The following HPSE2 variants were observed in gnomAD, a reference collection of about 807,000 sequenced individuals.
The protein encoded by HPSE2 is heparanase 2 (inactive), also known as inactive heparanase-2.
Under a neutral mutation model 60.5 loss-of-function variants are expected in HPSE2, and 38 were observed. That is an observed-to-expected ratio of 0.63 (90% CI 0.48 to 0.82). The LOEUF (loss-of-function observed/expected upper bound fraction) is 0.82. Among genes scored for constraint, HPSE2 ranks in the 40% least tolerant of loss-of-function variants. The pLI is 0.00. For missense variants in HPSE2, 713 were observed against 740.4 expected, an observed-to-expected ratio of 0.96 and a Z score of 0.43; for synonymous variants, 295 against 293.2, an observed-to-expected ratio of 1.01 and a Z score of -0.06.
intron 5 of HPSE2, among the ~76,000 whole-genome samples, chr10:98,718,709 C>T (rs78670822): frequency 0.073 from 11,087 of 152,052 alleles, 564 homozygotes; most frequent in South Asian, 0.19. Flanking sequence ...ATTGTATGTT[C>T]TCATGCACAT....
chr10:99,235,999 C>CTTT (rs371950895), upstream of HPSE2: 3 of 350,866 alleles, frequency 8.6e-6, no homozygotes, highest in Non-Finnish European at 1.4e-5. Flanking sequence ...TTGTTTTTTT[C>CTTT]TTTTTTTTTT....
At chr10:98,817,793 T>G (rs1247786857) in intron 3 of HPSE2, among the ~76,000 whole-genome samples, 2 of 152,210 alleles carry the variant, frequency 1.3e-5, no homozygotes, top group African/African-American at 2.4e-5. Flanking sequence ...CCTATACACT[T>G]TGGACAAAAG....
At position 98,721,816 on chromosome 10, in the gene HPSE2, T is replaced by G; in HGVS notation, c.797A>C (p.Tyr266Ser). Reference sequence around the variant, plus strand: ...TACTGCCCGGCCATGCATGGTCCGATAGTTATTTGGCTCTAGATTAAAAGC... The same window carrying G: ...TACTGCCCGGCCATGCATGGTCCGAGAGTTATTTGGCTCTAGATTAAAAGC... ...SWELGNEPNN[Y>S]RTMHGRAVNG... Residue 266 changes from tyrosine to serine, a missense_variant, in exon 5 of 12, where the codon TAT becomes TCT. Coordinates refer to ENST00000370552, the MANE Select transcript of HPSE2 (RefSeq NM_021828.5). 1 of 1,613,506 alleles carries G rather than the reference T, an allele frequency of 6.2e-7. No homozygotes were observed. The highest frequency in any genetic ancestry group is 8.5e-7 in the Non-Finnish European group (1 of 1,179,756).
At chr10:99,165,283 C>T (rs551808725) in intron 2 of HPSE2, among the ~76,000 whole-genome samples, 24 of 152,096 alleles carry the variant, frequency 1.6e-4, no homozygotes, top group Non-Finnish European at 2.5e-4. Context: ...TACAGTGCTG[C>T]ATACTTCTTT....
intron 3 of HPSE2, among the ~76,000 whole-genome samples, chr10:98,978,906 T>C (rs552177549): frequency 7.9e-5 from 12 of 152,280 alleles, no homozygotes; most frequent in Non-Finnish European, 1.5e-4. Flanking sequence ...AGGTAAAAAA[T>C]TGGAGTCGCT....
chr10:99,117,417 GAAAAAAA>G (rs1157232317), intron 3 of HPSE2, among the ~76,000 whole-genome samples: 201 of 24,748 alleles, frequency 8.1e-3, no homozygotes, highest in East Asian at 0.049. Flanking sequence ...TTGTTTTTTT[GAAAAAAA>G]AAAAAAAAAA....
the HPSE2 span, among the ~76,000 whole-genome samples, chr10:99,251,336 G>A: frequency 6.6e-6 from 1 of 152,236 alleles, no homozygotes; most frequent in East Asian, 1.9e-4. Flanking sequence ...GTTCAGAAAT[G>A]TAATTAGTAA....
At chr10:98,756,172 G>A (rs1264820662) in intron 3 of HPSE2, among the ~76,000 whole-genome samples, 2 of 152,002 alleles carry the variant, frequency 1.3e-5, no homozygotes, top group Non-Finnish European at 2.9e-5. Flanking sequence ...CACAGTTAAA[G>A]CAGTGTTAAA....
In HPSE2 at chr10:99,111,409, C is replaced by G. The variant is rs548767302; in HGVS notation, c.610+32829G>C. On this transcript the variant is annotated intron_variant, in intron 3 of 11. Coordinates refer to ENST00000370552, the MANE Select transcript of HPSE2 (RefSeq NM_021828.5). ...CTACAGACTCCACAAAATTAGGACC[C>G]ACCTCTGCATAGTTCAAGTTATGAT... Among the ~76,000 whole-genome samples, 3 of 152,256 alleles carry G rather than the reference C, an allele frequency of 2.0e-5. No individual in the cohort carries two copies. The East Asian group carries it at 5.8e-4, about 29-fold the overall frequency.
chr10:99,268,401 T>A, the HPSE2 span, among the ~76,000 whole-genome samples: 2 of 152,058 alleles, frequency 1.3e-5, no homozygotes, highest in African/African-American at 4.8e-5. Flanking sequence ...CCCAGCACTT[T>A]GGGAGGCTGA....
chr10:98,666,121 C>T (rs1274862006), intron 6 of HPSE2, among the ~76,000 whole-genome samples: 1 of 152,038 alleles, frequency 6.6e-6, no homozygotes, highest in East Asian at 1.9e-4. Context: ...CAAAAAAGAA[C>T]AGGAGTAGCT....
chr10:98,575,141 A>G (rs592142), intron 9 of HPSE2, among the ~76,000 whole-genome samples: 130,742 of 152,140 alleles, frequency 0.86, 57,170 homozygotes, highest in East Asian at 1. Context: ...TAGGCTCCTC[A>G]GTTTAAGCAA....
chr10:98,589,241 C>A (rs893293083), intron 9 of HPSE2, among the ~76,000 whole-genome samples: 1 of 152,190 alleles, frequency 6.6e-6, no homozygotes, highest in Non-Finnish European at 1.5e-5. Context: ...TCATAACATC[C>A]GAGGGCTCAT....
chr10:99,002,454 C>T (rs1423937112), intron 3 of HPSE2, among the ~76,000 whole-genome samples: 1 of 152,072 alleles, frequency 6.6e-6, no homozygotes, highest in Admixed American at 6.6e-5. Context: ...CCAACATGAA[C>T]AGTGATAAGT....
intron 5 of HPSE2, 141 bp from the exon 6 acceptor site, chr10:98,694,088 T>G: frequency 1.4e-6 from 1 of 716,608 alleles, no homozygotes; most frequent in South Asian, 1.5e-5. Context: ...GCCACAATCA[T>G]GGCCTAGACA....
At chr10:98,867,028 G>A (rs1003153934) in intron 3 of HPSE2, among the ~76,000 whole-genome samples, 2 of 152,128 alleles carry the variant, frequency 1.3e-5, no homozygotes, top group Non-Finnish European at 2.9e-5. Context: ...TGAACACAGA[G>A]AAATGACAAC....
chr10:99,107,795 C>T (rs1226855093), intron 3 of HPSE2, among the ~76,000 whole-genome samples: 2 of 152,172 alleles, frequency 1.3e-5, no homozygotes, highest in Admixed American at 6.5e-5. Context: ...TCAACAAGTA[C>T]CTCCCAGGTA....
At chr10:99,019,512 T>A (rs1957214790) in intron 3 of HPSE2, among the ~76,000 whole-genome samples, 1 of 152,190 alleles carries the variant, frequency 6.6e-6, no homozygotes, top group Non-Finnish European at 1.5e-5. Context: ...CTTACCTTTA[T>A]ATGATTCTAC....
At chr10:99,172,696 G>A (rs1049455838) in intron 2 of HPSE2, among the ~76,000 whole-genome samples, 7 of 152,244 alleles carry the variant, frequency 4.6e-5, no homozygotes, top group Admixed American at 2.0e-4. Flanking sequence ...TGGCCAACGC[G>A]GTGAAAACCT....
Sources: allele counts gnomAD v4.1 joint callset (sites outside exome capture counted in the v4.1 genomes callset), GRCh38; gene constraint gnomAD v4.1.1; transcripts MANE v1.5; gene names NCBI Gene and HGNC (gene_info 2026-07-23, HGNC 2026-07-21).